LAMB4: variants seen among roughly 807,000 people sequenced by gnomAD.
LAMB4 encodes laminin subunit beta-4.
LAMB4 carries 196 observed loss-of-function variants against 199.2 expected under a neutral mutation model. That is an observed-to-expected ratio of 0.98 (90% confidence interval 0.88 to 1.11). LAMB4 has a LOEUF of 1.11. LAMB4 is among the 50% of genes least tolerant of loss of function. The probability of loss-of-function intolerance (pLI) is 0.00; values close to 1 mark genes in which losing one functional copy is unlikely to be tolerated. For missense variants in LAMB4, 2,080 were observed against 2,171.2 expected (o/e 0.96, Z 0.83); for synonymous variants, 744 against 770.6 (o/e 0.97, Z 0.57).
intron 29 of LAMB4, among the ~76,000 whole-genome samples, chr7:108,042,937 C>CTGTGTGTGTGTGTGTGTGTGTGTGTGTG (rs754739499): frequency 2.1e-5 from 3 of 140,292 alleles, no homozygotes; most frequent in African/African-American, 5.5e-5. Flanking sequence ...CTCTCAATCT[C>CTGTGTGTGTGTGTGTGTGTGTGTGTGTG]TGTGTGTGTG....
At chr7:108,108,826 C>G (rs1264392702) in intron 5 of LAMB4, among the ~76,000 whole-genome samples, 1 of 151,994 alleles carries the variant, frequency 6.6e-6, no homozygotes, top group Non-Finnish European at 1.5e-5. Context: ...TTTCTTTCCC[C>G]TTGATTACAA....
At chr7:108,110,374 T>C (rs2038179394) in intron 4 of LAMB4, among the ~76,000 whole-genome samples, 1 of 152,192 alleles carries the variant, frequency 6.6e-6, no homozygotes, top group African/African-American at 2.4e-5. Context: ...CAAAACTATG[T>C]CTTAGAAGTC....
rs1008187730 is a variant in LAMB4 at position 108,066,429 on chromosome 7, T to C, written c.2618A>G (p.Asp873Gly). The C allele has an allele frequency of 1.2e-6, 2 of 1,614,076 alleles. No homozygotes were observed. The highest frequency in any genetic ancestry group is 2.7e-5 in the African/African-American group (2 of 74,918). Residue 873 changes from aspartate to glycine, a missense_variant, in exon 20 of 34, where the codon GAT (aspartate) becomes GGT (glycine). Asp to Gly is a moderately conservative substitution (Grantham distance 94, BLOSUM62 -1). Transcript: ENST00000388781. ...ATTGAAGCATGACCCTGTCTCAGGA[T>C]CACAAAGTTCAGCAAACCTATTACA... is the stretch of plus-strand genomic sequence containing the variant. The part of the protein sequence containing the change: ...CPCNRFAELC[D>G]PETGSCFNCG...
chr7:108,077,250 C>G (rs964488232), intron 16 of LAMB4, among the ~76,000 whole-genome samples, 186 bp from the exon 17 acceptor site: 2 of 152,196 alleles, frequency 1.3e-5, no homozygotes, highest in African/African-American at 4.8e-5. Context: ...TTCAGATCCT[C>G]TGTGGCTCTT....
In LAMB4 at chr7:108,055,940, G is replaced by C; in HGVS notation, c.3447C>G (p.Cys1149Trp). Residue 1149 changes from cysteine (C) to tryptophan (W), a missense_variant, in exon 25 of 34, where the codon TGC (cysteine) becomes TGG (tryptophan). Physicochemically the swap from Cys to Trp is radical, Grantham distance 215. Coordinates refer to ENST00000388781, the MANE Select transcript of LAMB4 (RefSeq NM_007356.3). ...ICDPDTGMCRCREGVSGQRCD... is the reference protein window; with the variant it reads ...ICDPDTGMCRWREGVSGQRCD... ...ATCTCTGGCCGCTGACACCCTCCCG[G>C]CAGCGGCACATGCCTGTGTCTGGAT... is the stretch of plus-strand genomic sequence containing the variant. 1 of 1,614,104 alleles carries C rather than the reference G, an allele frequency of 6.2e-7. No homozygotes were observed. Among genetic ancestry groups the C allele is most frequent in the East Asian group, 2.2e-5 (1 of 44,880 alleles).
chr7:108,056,928 G>A (rs1354651633), intron 24 of LAMB4, among the ~76,000 whole-genome samples: 2 of 146,868 alleles, frequency 1.4e-5, no homozygotes, highest in African/African-American at 5.1e-5. Flanking sequence ...CTGTGATCAT[G>A]CCACTGCACT....
chr7:108,031,079 G>C (rs1487159097), intron 31 of LAMB4, 100 bp from the exon 32 acceptor site: 1 of 909,862 alleles, frequency 1.1e-6, no homozygotes, highest in Non-Finnish European at 1.6e-6. Flanking sequence ...TGGGTGTAAA[G>C]GAAAAGAAAA....
chr7:108,067,601 C>T (rs371332871), intron 19 of LAMB4, among the ~76,000 whole-genome samples: 1 of 152,310 alleles, frequency 6.6e-6, no homozygotes, highest in African/African-American at 2.4e-5. Context: ...TCTGTGGTGA[C>T]AGCATTGTCC....
At chr7:108,038,212 A>G (rs2035294555) in intron 29 of LAMB4, among the ~76,000 whole-genome samples, 2 of 151,920 alleles carry the variant, frequency 1.3e-5, no homozygotes, top group African/African-American at 4.8e-5. Context: ...GCTGGAGTGC[A>G]GTGGTGGCAC....
chr7:108,031,131 TA>T, intron 31 of LAMB4, 152 bp from the exon 32 acceptor site: 1 of 575,306 alleles, frequency 1.7e-6, no homozygotes, highest in East Asian at 3.0e-5. Context: ...TAAAATATTA[TA>T]ATAAAATATT....
At position 108,116,102 on chromosome 7, in the gene LAMB4, T is replaced by C; in HGVS notation, c.94A>G (p.Thr32Ala). ...DCNRGACHPT[T>A]GDLLVGRNTQ... ...TTCCTGCCCACCAGGAGATCACCAGTGGTGGGATGACAGGCACCCCTGTTG... is the reference window on the plus strand; with the variant it reads ...TTCCTGCCCACCAGGAGATCACCAGCGGTGGGATGACAGGCACCCCTGTTG... The change falls in exon 3 of 34, where the codon ACT becomes GCT. Residue 32 changes from threonine to alanine, a missense_variant. Physicochemically the swap from Thr to Ala is moderately conservative, Grantham distance 58 (BLOSUM62 0). Coordinates refer to ENST00000388781, the MANE Select transcript of LAMB4 (RefSeq NM_007356.3). The C allele has an allele frequency of 6.2e-7, 1 of 1,613,952 alleles. No individual in the cohort carries two copies. Among genetic ancestry groups the C allele is most frequent in the African/African-American group, 1.3e-5 (1 of 74,998 alleles).
intron 14 of LAMB4, among the ~76,000 whole-genome samples, chr7:108,090,068 A>T (rs970841539): frequency 6.6e-6 from 1 of 152,162 alleles, no homozygotes; most frequent in African/African-American, 2.4e-5. Context: ...TAACCTCTCT[A>T]ATGTTTTTTC....
At chr7:108,122,812 C>A (rs2038646620) in intron 2 of LAMB4, among the ~76,000 whole-genome samples, 1 of 152,176 alleles carries the variant, frequency 6.6e-6, no homozygotes, top group Admixed American at 6.5e-5. Flanking sequence ...AAAAGTGTTA[C>A]ATTGAAAGCA....
At chr7:108,110,474 G>A (rs1053784083) in intron 4 of LAMB4, among the ~76,000 whole-genome samples, 15 of 152,174 alleles carry the variant, frequency 9.9e-5, no homozygotes, top group Admixed American at 2.6e-4. Flanking sequence ...AGACGAAAGC[G>A]GCTGGACTAC....
chr7:108,035,584 A>G (rs1563033595), intron 30 of LAMB4, among the ~76,000 whole-genome samples: 1 of 135,326 alleles, frequency 7.4e-6, no homozygotes, highest in Non-Finnish European at 1.6e-5. Flanking sequence ...ACTGCTTATT[A>G]TAGCAAATTT....
chr7:108,118,245 C>G (rs968230377), intron 2 of LAMB4, among the ~76,000 whole-genome samples: 6 of 152,042 alleles, frequency 3.9e-5, no homozygotes, highest in African/African-American at 1.4e-4. Flanking sequence ...CTCTTTATTG[C>G]AATTCAAAAT....
intron 31 of LAMB4, among the ~76,000 whole-genome samples, chr7:108,032,020 G>A (rs185955066): frequency 1.0e-3 from 152 of 152,064 alleles, no homozygotes; most frequent in Admixed American, 1.8e-3. Context: ...TTTGTATTTT[G>A]TATCCAATAA....
In LAMB4 at chr7:108,040,856, A is replaced by G. The variant is rs558442266; in HGVS notation, c.4471+2896T>C. Among the ~76,000 whole-genome samples the G allele has an allele frequency of 2.0e-5, 3 of 152,322 alleles. No individual in the cohort carries two copies. In the East Asian group the frequency reaches 5.8e-4, roughly 29 times the overall value. ...ATTCAGGACACAGGCATGGGCAAAG[A>G]TTTCATGATAAAGACACCACAAGCG... On this transcript the variant is annotated intron_variant, in intron 29 of 33. Transcript: ENST00000388781.
Position 108,107,535 on chromosome 7 carries a change from A to G in LAMB4, c.591+96T>C, listed in dbSNP as rs773378600. 3.2e-6 allele frequency: 3 copies of G among 931,778 alleles called. 1 individual carries two copies. The highest frequency in any genetic ancestry group is 1.7e-5 in the South Asian group (1 of 60,512). 57.7% of individuals were successfully genotyped at this position (931,778 alleles called of 1,614,324 possible). A position where few individuals can be genotyped will look rare whatever the true frequency, so the allele number is the denominator to read the frequency against. ...TCAAAAAAGCAACAGCCCAACTTAC[A>G]TTACAGTAAACACTATCGAAAGTTT... On this transcript the variant is annotated intron_variant, in intron 6 of 33. Coordinates refer to ENST00000388781, the MANE Select transcript of LAMB4 (RefSeq NM_007356.3).
Sources: gnomAD v4.1 joint callset for allele counts (sites outside exome capture counted in the v4.1 genomes callset) on GRCh38, gnomAD v4.1.1 for gene constraint, MANE v1.5 for transcripts, NCBI Gene and HGNC (gene_info 2026-07-23, HGNC 2026-07-21) for gene names.